The following SLC15A2 variants were observed in gnomAD, a reference collection of about 807,000 sequenced individuals.
SLC15A2 encodes the protein kidney H(+)/peptide cotransporter.
A neutral mutation model predicts 95.5 loss-of-function variants in SLC15A2; 77 were observed. The ratio of observed to expected loss-of-function variants is 0.81; its 90% confidence interval spans 0.67 to 0.97. The LOEUF is 0.97. SLC15A2 is among the 50% of genes least tolerant of loss of function. The pLI, the probability that SLC15A2 is intolerant of heterozygous loss-of-function variation, is 0.00. For synonymous variants in SLC15A2, 306 were observed against 306.9 expected (o/e 1.00, Z 0.03); for missense variants, 893 against 874.4 (o/e 1.02, Z -0.27).
chr3:121,903,761 G>C (rs1165032337), intron 3 of SLC15A2, among the ~76,000 whole-genome samples: 1 of 152,206 alleles, frequency 6.6e-6, no homozygotes, highest in Non-Finnish European at 1.5e-5. Flanking sequence ...TCGCCTTGTA[G>C]TATAGTTTGA....
chr3:121,898,880 T>C (rs1430747447), intron 3 of SLC15A2, among the ~76,000 whole-genome samples: 1 of 152,214 alleles, frequency 6.6e-6, no homozygotes, highest in East Asian at 1.9e-4. Context: ...AAGTGTTTAA[T>C]CAGCACCTAA....
At chr3:121,905,770 A>G (rs192280590) in intron 3 of SLC15A2, among the ~76,000 whole-genome samples, 220 of 152,284 alleles carry the variant, frequency 1.4e-3, no homozygotes, top group Non-Finnish European at 2.0e-3. Flanking sequence ...ACTTCCAACT[A>G]TGTGGTCAAT....
At chr3:121,899,579 T>C (rs1159595184) in intron 3 of SLC15A2, among the ~76,000 whole-genome samples, 1 of 152,170 alleles carries the variant, frequency 6.6e-6, no homozygotes, top group African/African-American at 2.4e-5. Context: ...CCTTTCTCAC[T>C]CTTCATTATC....
intron 5 of SLC15A2, among the ~76,000 whole-genome samples, chr3:121,914,601 G>T (rs1468748139): frequency 9.2e-5 from 14 of 152,018 alleles, no homozygotes; most frequent in Non-Finnish European, 1.5e-5. Flanking sequence ...ACTAAATCAG[G>T]CATTCACTTA....
In SLC15A2 at chr3:121,940,460, T is replaced by C. The variant is rs749208604; in HGVS notation, c.1985T>C (p.Val662Ala). The C allele has an allele frequency of 2.5e-6, 4 of 1,614,110 alleles. No individual in the cohort carries two copies. The South Asian group carries it at 4.4e-5, about 18-fold the overall frequency. The change falls in exon 21 of 22, where the codon GTT becomes GCT. Residue 662 changes from valine to alanine, a missense_variant. By Grantham distance (64) the Val-to-Ala change is moderately conservative (BLOSUM62 0). Coordinates refer to ENST00000489711, the MANE Select transcript of SLC15A2 (RefSeq NM_021082.4). ...GCAGTTGGGAATATCATCGTGCTTG[T>C]TGTGGCACAGTTCAGTGGCCTGGTA... is the stretch of plus-strand genomic sequence containing the variant. ...TIAVGNIIVL[V>A]VAQFSGLVQW...
At chr3:121,927,391 T>C (rs1016902689) in intron 13 of SLC15A2, among the ~76,000 whole-genome samples, 6 of 152,236 alleles carry the variant, frequency 3.9e-5, no homozygotes, top group Admixed American at 2.0e-4. Flanking sequence ...TCTGTGGTGC[T>C]ATCTTCATGA....
chr3:121,927,043 C>T (rs1710135849), intron 13 of SLC15A2, among the ~76,000 whole-genome samples: 1 of 152,212 alleles, frequency 6.6e-6, no homozygotes, highest in Non-Finnish European at 1.5e-5. Context: ...TATCTATACC[C>T]CCATTTTATT....
chr3:121,915,511 C>T, intron 6 of SLC15A2, 105 bp from the exon 7 acceptor site: 1 of 910,150 alleles, frequency 1.1e-6, no homozygotes, highest in Non-Finnish European at 1.8e-6. Context: ...GTGGTTATGT[C>T]TATTCTACAA....
In SLC15A2 at chr3:121,894,417, T is replaced by A; in HGVS notation, c.-60T>A. 7.6e-7 allele frequency: 1 copy of A among 1,321,226 alleles called. No homozygotes were observed. The highest frequency in any genetic ancestry group is 1.1e-6 in the Non-Finnish European group (1 of 935,046). The allele number at this position is 1,321,226 out of a possible 1,614,324, so 81.8% of individuals were successfully genotyped here. On this transcript the variant is annotated 5_prime_UTR_variant, in exon 1 of 22. Transcript: ENST00000489711. ...CTTCTTTTCAGAGTAGGCTGGCAGCTGTCCTAACTGCCTACTAAAGCCAAA... is the reference window on the plus strand; with the variant it reads ...CTTCTTTTCAGAGTAGGCTGGCAGCAGTCCTAACTGCCTACTAAAGCCAAA...
intron 3 of SLC15A2, among the ~76,000 whole-genome samples, chr3:121,906,176 C>A (rs1709638393): frequency 6.6e-6 from 1 of 150,964 alleles, no homozygotes; most frequent in Non-Finnish European, 1.5e-5. Flanking sequence ...GCAACCCCTG[C>A]TTTTTTTTTG....
rs751815291 is a variant in SLC15A2, at chr3:121,925,007, G to T, written c.1098G>T (p.Leu366=). The T allele has an allele frequency of 1.2e-6, 2 of 1,612,846 alleles. No homozygotes were observed. The highest frequency in any genetic ancestry group is 2.7e-5 in the African/African-American group (2 of 74,844). ...TGTTTGACTTTGTCATTTATCGTCT[G>T]GTCTCCAAGTGTGGAATTAACTTCT... The part of the protein sequence containing the change: ...IPLFDFVIYR[L]VSKCGINFSS... Residue 366 remains leucine (L), a synonymous_variant, in exon 13 of 22, where the codon CTG becomes CTT. Coordinates refer to ENST00000489711, the MANE Select transcript of SLC15A2 (RefSeq NM_021082.4).
In SLC15A2 at chr3:121,911,657, T is replaced by G; in HGVS notation, c.419T>G (p.Val140Gly). The G allele has an allele frequency of 6.2e-7, 1 of 1,606,298 alleles. No homozygotes were observed. Among genetic ancestry groups the G allele is most frequent in the Non-Finnish European group, 8.5e-7 (1 of 1,172,818 alleles). The part of the protein sequence containing the change: ...LGALPILGGQ[V>G]VHTVLSLIGL... ...GCCTTACCAATACTGGGAGGACAAG[T>G]GGTACACACGTGAGTAAAATCATGG... Residue 140 changes from valine (V) to glycine (G), a missense_variant, in exon 4 of 22, where the codon GTG becomes GGG. Transcript: ENST00000489711.
intron 17 of SLC15A2, 28 bp downstream of exon 17, chr3:121,929,376 A>C (rs371396839): frequency 5.0e-6 from 8 of 1,610,122 alleles, no homozygotes; most frequent in Non-Finnish European, 6.8e-6. Flanking sequence ...ATTCCAGGCC[A>C]CTCTGTTTTC....
intron 3 of SLC15A2, among the ~76,000 whole-genome samples, chr3:121,904,308 T>C (rs1485699329): frequency 6.6e-6 from 1 of 152,220 alleles, no homozygotes; most frequent in African/African-American, 2.4e-5. Flanking sequence ...AGGGACATTT[T>C]GACTTCCTCT....
rs371931615 is a variant in SLC15A2, at chr3:121,911,199, C to G, written c.336-375C>G. On this transcript the variant is annotated intron_variant, in intron 3 of 21. Transcript: ENST00000489711. ...GTCCAAATATCCTCTTCTACTGGTTCTCCCAATTTAAAGCACTGTCACTTT... is the reference window on the plus strand; with the variant it reads ...GTCCAAATATCCTCTTCTACTGGTTGTCCCAATTTAAAGCACTGTCACTTT... Among the ~76,000 whole-genome samples the G allele has an allele frequency of 1.9e-4, 29 of 152,320 alleles. 1 individual carries two copies. The highest frequency in any genetic ancestry group is 7.8e-4 in the Admixed American group (12 of 15,304).
At chr3:121,930,295 G>C (rs1710206870) in intron 17 of SLC15A2, among the ~76,000 whole-genome samples, 1 of 152,130 alleles carries the variant, frequency 6.6e-6, no homozygotes, top group African/African-American at 2.4e-5. Context: ...AGATGGTCTT[G>C]GAAGGGTCCA....
At chr3:121,929,255 G>T in intron 16 of SLC15A2, 47 bp from the exon 17 acceptor site, 6 of 1,610,060 alleles carry the variant, frequency 3.7e-6, no homozygotes, top group East Asian at 2.2e-5. Context: ...CTGAGTATAG[G>T]TCTTATTTCA....
intron 13 of SLC15A2, among the ~76,000 whole-genome samples, chr3:121,926,735 G>A (rs1179499104): frequency 6.6e-6 from 1 of 152,208 alleles, no homozygotes; most frequent in African/African-American, 2.4e-5. Flanking sequence ...CCAGACCCCA[G>A]AATGATAGAC....
intron 19 of SLC15A2, among the ~76,000 whole-genome samples, chr3:121,932,047 C>CT (rs1356664611): frequency 3.3e-5 from 5 of 152,060 alleles, no homozygotes; most frequent in Non-Finnish European, 7.4e-5. Flanking sequence ...ATTACAGGCA[C>CT]CCACCACCAC....
Sources: allele counts gnomAD v4.1 joint callset (sites outside exome capture counted in the v4.1 genomes callset), GRCh38; gene constraint gnomAD v4.1.1; transcripts MANE v1.5; gene names NCBI Gene and HGNC (gene_info 2026-07-23, HGNC 2026-07-21).